Variants in PRICKLE2 observed in about 807,000 individuals in gnomAD.
PRICKLE2 encodes prickle planar cell polarity protein 2.
In PRICKLE2, 21 loss-of-function variants were observed where a neutral mutation model predicts 81.4. The observed-to-expected ratio is 0.26, with a 90% CI of 0.18 to 0.37. PRICKLE2 has a LOEUF of 0.37. Among genes scored for constraint, PRICKLE2 ranks in the 10% least tolerant of loss-of-function variants. The probability of loss-of-function intolerance (pLI) is 1.00; values close to 1 mark genes in which losing one functional copy is unlikely to be tolerated. For missense variants in PRICKLE2, 940 were observed against 1,109.0 expected (o/e 0.85, Z 2.16); for synonymous variants, 456 against 421.5 (o/e 1.08, Z -1.00).
At chr3:64,193,778 A>C (rs1559569049) in intron 2 of PRICKLE2, among the ~76,000 whole-genome samples, 1 of 152,166 alleles carries the variant, frequency 6.6e-6, no homozygotes, top group African/African-American at 2.4e-5. Context: ...TGGTTACTAT[A>C]AGGAGGAGTT....
chr3:64,152,925 A>G lies in PRICKLE2; in HGVS notation c.787+257T>C, dbSNP rs190344114. On this transcript the variant is annotated intron_variant, in intron 6 of 7. Coordinates refer to ENST00000638394, the MANE Select transcript of PRICKLE2 (RefSeq NM_198859.4). ...CATTAGGTGAAGACAGCTTCTCCCA[A>G]ATGATGTTAACAGAAGGCAAATTAA... Among the ~76,000 whole-genome samples, 4 of 152,300 alleles carry G rather than the reference A, an allele frequency of 2.6e-5. No individual in the cohort carries two copies. In the East Asian group the frequency reaches 7.7e-4, roughly 29 times the overall value.
chr3:64,206,256 G>A (rs1439799527), intron 1 of PRICKLE2, among the ~76,000 whole-genome samples: 4 of 152,036 alleles, frequency 2.6e-5, no homozygotes, highest in Non-Finnish European at 4.4e-5. Context: ...TGATGCAGCC[G>A]GTCCTCCAAG....
chr3:64,151,563 A>C (rs775420517), intron 6 of PRICKLE2, among the ~76,000 whole-genome samples: 1 of 152,144 alleles, frequency 6.6e-6, no homozygotes, highest in Non-Finnish European at 1.5e-5. Flanking sequence ...AAACAGGAAA[A>C]ACAGAAATAT....
At chr3:64,146,429 G>A (rs1206092574) in intron 7 of PRICKLE2, 3 of 236,542 alleles carry the variant, frequency 1.3e-5, no homozygotes, top group South Asian at 6.0e-5. Context: ...AAGAGGGCAC[G>A]TGGCAGAAAC....
intron 2 of PRICKLE2, among the ~76,000 whole-genome samples, chr3:64,164,205 C>T (rs1159238519): frequency 1.3e-5 from 2 of 152,094 alleles, no homozygotes; most frequent in African/African-American, 4.8e-5. Context: ...GGTGAAACCC[C>T]GCCTCTACTA....
At chr3:64,240,225 A>G (rs1177125725) in intron 2 of PRICKLE2, among the ~76,000 whole-genome samples, 2 of 152,134 alleles carry the variant, frequency 1.3e-5, no homozygotes, top group Non-Finnish European at 2.9e-5. Flanking sequence ...GGCCAGTTAC[A>G]TGGGGAGGCC....
At chr3:64,219,420 C>T (rs1041712726) in intron 1 of PRICKLE2, among the ~76,000 whole-genome samples, 1 of 152,306 alleles carries the variant, frequency 6.6e-6, no homozygotes, top group Non-Finnish European at 1.5e-5. Flanking sequence ...TCTCTGCCCA[C>T]AGCCACAAGT....
chr3:64,198,649 A>G, intron 2 of PRICKLE2, 135 bp downstream of exon 2: 1 of 953,168 alleles, frequency 1.0e-6, no homozygotes, highest in Non-Finnish European at 1.7e-6. Flanking sequence ...GGCCCCTGGC[A>G]TCTTCAACAT....
intron 5 of PRICKLE2, chr3:64,153,965 T>G (rs2077586314): frequency 6.5e-6 from 1 of 154,588 alleles, no homozygotes; most frequent in South Asian, 2.0e-4. Flanking sequence ...GTGTTTGCAT[T>G]TTCCCCCAAT....
In PRICKLE2 at chr3:64,146,920, T is replaced by C; in HGVS notation, c.1570A>G (p.Ile524Val). 6.2e-7 allele frequency: 1 copy of C among 1,614,116 alleles called. No homozygotes were observed. The highest frequency in any genetic ancestry group is 8.5e-7 in the Non-Finnish European group (1 of 1,180,004). Residue 524 changes from isoleucine to valine, a missense_variant, in exon 7 of 8, where the codon ATC becomes GTC. By Grantham distance (29) the Ile-to-Val change is conservative. Transcript: ENST00000638394. ...TCCTCTGTGTATTTCAGGGAACTGA[T>C]GGGATGACGGGTCCGACACTGCTGA... is the stretch of plus-strand genomic sequence containing the variant. ...STQQCRTRHP[I>V]SSLKYTEDMT... is the part of the protein sequence containing the mutation.
chr3:64,239,395 C>T (rs1310433801), intron 2 of PRICKLE2, among the ~76,000 whole-genome samples: 1 of 152,146 alleles, frequency 6.6e-6, no homozygotes, highest in African/African-American at 2.4e-5. Flanking sequence ...CAATAAGAAA[C>T]ACCAGGAATG....
chr3:64,099,993 C>T lies in PRICKLE2; in HGVS notation c.1661-68G>A. 6.5e-7 allele frequency: 1 copy of T among 1,529,552 alleles called. No individual in the cohort carries two copies. Among genetic ancestry groups the T allele is most frequent in the African/African-American group, 1.4e-5 (1 of 73,260 alleles). The allele number at this position is 1,529,552 out of a possible 1,614,324, so 94.7% of individuals were successfully genotyped here. On this transcript the variant is annotated intron_variant, in intron 7 of 7. Transcript: ENST00000638394. This position sits in a 1 kb window ranked among gnomAD's most constrained non-coding sequence, Gnocchi z 4.3. The stretch of plus-strand genomic sequence containing the variant: ...GCAGCAATGGGTATCACTGTCACTG[C>T]TGGTCATCTATCTAGGGTCATTATA...
rs769658657 is a variant in PRICKLE2, at chr3:64,146,860, T to G, written c.1630A>C (p.Met544Leu). ...GCATTAGACAGGGCCAGGGATTCCA[T>G]GGAGCCCCGAGGGGTCTGCTCTGTG... ...TPTEQTPRGS[M>L]ESLALSNATG... Residue 544 changes from methionine to leucine, a missense_variant, in exon 7 of 8, where the codon ATG (methionine) becomes CTG (leucine). By Grantham distance (15) the Met-to-Leu change is conservative. Coordinates refer to ENST00000638394, the MANE Select transcript of PRICKLE2 (RefSeq NM_198859.4). 6.2e-7 allele frequency: 1 copy of G among 1,614,158 alleles called. No individual in the cohort carries two copies. The highest frequency in any genetic ancestry group is 1.1e-5 in the South Asian group (1 of 91,080).
chr3:64,230,470 T>A (rs1056620140), intron 2 of PRICKLE2, among the ~76,000 whole-genome samples: 5 of 152,168 alleles, frequency 3.3e-5, no homozygotes, highest in Non-Finnish European at 5.9e-5. Context: ...GCAACCCACG[T>A]AACCATAAAG....
At chr3:64,240,864 A>G (rs1245160950) in intron 2 of PRICKLE2, among the ~76,000 whole-genome samples, 3 of 152,096 alleles carry the variant, frequency 2.0e-5, no homozygotes, top group Non-Finnish European at 4.4e-5. Flanking sequence ...GGTCTAAATA[A>G]TCCCCAACAA....
intron 7 of PRICKLE2, among the ~76,000 whole-genome samples, chr3:64,118,555 T>G (rs138336285): frequency 1.6e-4 from 25 of 152,224 alleles, no homozygotes; most frequent in African/African-American, 6.0e-4. Flanking sequence ...ACACATACTT[T>G]TCAAAAGAAG....
chr3:64,183,184 A>C (rs1454584359), intron 2 of PRICKLE2, among the ~76,000 whole-genome samples: 1 of 152,198 alleles, frequency 6.6e-6, no homozygotes, highest in Admixed American at 6.5e-5. Context: ...TATAGAAACC[A>C]GAATTTGAAC....
At chr3:64,149,282 A>G (rs1197167078) in intron 6 of PRICKLE2, among the ~76,000 whole-genome samples, 5 of 152,186 alleles carry the variant, frequency 3.3e-5, no homozygotes, top group African/African-American at 1.2e-4. Context: ...CTGGGGCCCA[A>G]CATAGGCCAG....
rs958447354 is a variant in PRICKLE2 at position 64,094,305 on chromosome 3, A to G, written c.*4746T>C. 7 of 152,244 alleles carry G rather than the reference A, an allele frequency of 4.6e-5. No homozygotes were observed. The highest frequency in any genetic ancestry group is 1.7e-4 in the African/African-American group (7 of 41,472). 9.4% of individuals were successfully genotyped at this position (152,244 alleles called of 1,614,324 possible). A position where few individuals can be genotyped will look rare whatever the true frequency, so the allele number is the denominator to read the frequency against. On this transcript the variant is annotated 3_prime_UTR_variant, in exon 8 of 8. Coordinates refer to ENST00000638394, the MANE Select transcript of PRICKLE2 (RefSeq NM_198859.4). ...TATGAAAATCAACTAGGTAGGTTTA[A>G]GAACAGACCTTACTGGTAAGTAACT... is the stretch of plus-strand genomic sequence containing the variant.
Sources: allele counts gnomAD v4.1 joint callset (sites outside exome capture counted in the v4.1 genomes callset), GRCh38; gene constraint gnomAD v4.1.1; non-coding constraint Gnocchi (gnomAD v3.1); transcripts MANE v1.5; gene names NCBI Gene and HGNC (gene_info 2026-07-23, HGNC 2026-07-21).